Variants in FHIT observed in about 807,000 individuals in gnomAD.
FHIT encodes fragile histidine triad diadenosine triphosphatase, also known as bis(5'-adenosyl)-triphosphatase.
In FHIT, 19 loss-of-function variants were observed where a neutral mutation model predicts 17.9. That is an observed-to-expected ratio of 1.06 (90% CI 0.74 to 1.56). FHIT has a LOEUF of 1.56. Ranked by LOEUF, FHIT falls within the 40% of genes most tolerant of loss-of-function variation. The probability of loss-of-function intolerance (pLI) is 0.00; values close to 1 mark genes in which losing one functional copy is unlikely to be tolerated. For synonymous variants in FHIT, 81 were observed against 69.7 expected, an observed-to-expected ratio of 1.16 and a Z score of -0.81; for missense variants, 248 against 189.2, an observed-to-expected ratio of 1.31 and a Z score of -1.82.
intron 4 of FHIT, among the ~76,000 whole-genome samples, chr3:60,812,713 A>C (rs922515569): frequency 4.6e-5 from 7 of 152,112 alleles, no homozygotes; most frequent in African/African-American, 1.7e-4. Context: ...AGTCCACAAA[A>C]ATAGCACTGT....
chr3:60,842,335 T>C (rs1188645013), intron 3 of FHIT, among the ~76,000 whole-genome samples: 10 of 150,792 alleles, frequency 6.6e-5, no homozygotes, highest in African/African-American at 2.2e-4. Flanking sequence ...ACAGTATTGA[T>C]CTCCCACCAG....
chr3:61,038,009 C>T (rs2033338892), intron 3 of FHIT, among the ~76,000 whole-genome samples: 1 of 152,114 alleles, frequency 6.6e-6, no homozygotes, highest in Admixed American at 6.5e-5. Context: ...CAGAAAAAGT[C>T]TAGTTGACAA....
At chr3:61,042,986 G>A (rs1401162582) in intron 2 of FHIT, among the ~76,000 whole-genome samples, 4 of 152,102 alleles carry the variant, frequency 2.6e-5, no homozygotes, top group African/African-American at 7.2e-5. Context: ...ACAACAGGGA[G>A]AGGTTCCAAG....
chr3:60,935,813 A>G (rs1708168261), intron 3 of FHIT, among the ~76,000 whole-genome samples: 1 of 152,216 alleles, frequency 6.6e-6, no homozygotes, highest in Non-Finnish European at 1.5e-5. Flanking sequence ...AGCAAAACTG[A>G]GTCTTCTAAA....
At chr3:60,355,933 T>C (rs763441804) in intron 5 of FHIT, among the ~76,000 whole-genome samples, 7 of 152,160 alleles carry the variant, frequency 4.6e-5, no homozygotes, top group Non-Finnish European at 8.8e-5. Context: ...GTTTAATCAC[T>C]GGGTCATTAT....
chr3:60,658,659 T>A (rs116223880), intron 4 of FHIT, among the ~76,000 whole-genome samples: 1,712 of 152,268 alleles, frequency 0.011, 39 homozygotes, highest in African/African-American at 0.039. Context: ...TTAAAAGATG[T>A]ATTAGCTTCT....
chr3:60,259,938 G>T (rs1053093984), intron 5 of FHIT, among the ~76,000 whole-genome samples: 3 of 152,056 alleles, frequency 2.0e-5, no homozygotes, highest in African/African-American at 2.4e-5. Flanking sequence ...AAAGCAAGAG[G>T]CTGGGACCTA....
intron 5 of FHIT, among the ~76,000 whole-genome samples, chr3:60,061,789 T>C (rs985785822): frequency 1.3e-5 from 2 of 152,072 alleles, no homozygotes; most frequent in African/African-American, 2.4e-5. Flanking sequence ...ATAAGGTGAA[T>C]AGATCATATG....
At chr3:60,566,345 C>T (rs1414368897) in intron 4 of FHIT, among the ~76,000 whole-genome samples, 2 of 152,002 alleles carry the variant, frequency 1.3e-5, no homozygotes, top group Non-Finnish European at 2.9e-5. Context: ...TAAACAGAAC[C>T]AACGACAAAA....
At chr3:60,192,159 G>C (rs1702428214) in intron 5 of FHIT, among the ~76,000 whole-genome samples, 2 of 150,892 alleles carry the variant, frequency 1.3e-5, no homozygotes, top group South Asian at 4.2e-4. Flanking sequence ...GCGGAGGCAA[G>C]AGAATCGCTC....
intron 8 of FHIT, among the ~76,000 whole-genome samples, chr3:59,780,583 A>C (rs1404182661): frequency 6.6e-6 from 1 of 152,110 alleles, no homozygotes; most frequent in Non-Finnish European, 1.5e-5. Context: ...TCCAGTTAAG[A>C]TATTTGTTAG....
chr3:61,162,766 A>C (rs1287142534), intron 2 of FHIT, among the ~76,000 whole-genome samples: 2 of 152,132 alleles, frequency 1.3e-5, no homozygotes, highest in African/African-American at 4.8e-5. Flanking sequence ...TAGGCAAGCA[A>C]ATTGTGTTCT....
At chr3:60,417,102 A>G (rs1187407614) in intron 5 of FHIT, among the ~76,000 whole-genome samples, 1 of 152,064 alleles carries the variant, frequency 6.6e-6, no homozygotes, top group Non-Finnish European at 1.5e-5. Context: ...AAGAAAAAAA[A>G]AAAAAAAAAT....
intron 4 of FHIT, among the ~76,000 whole-genome samples, chr3:60,744,274 A>AAAC (rs1559688213): frequency 1.3e-4 from 19 of 148,320 alleles, no homozygotes; most frequent in African/African-American, 4.3e-4. Context: ...AAAACAAAAA[A>AAAC]AAAAAAAAAC....
intron 5 of FHIT, among the ~76,000 whole-genome samples, chr3:60,308,725 G>T (rs1189004605): frequency 6.6e-6 from 1 of 151,968 alleles, no homozygotes; most frequent in Non-Finnish European, 1.5e-5. Context: ...CATAGGACCT[G>T]GGTTACCGAT....
chr3:60,243,482 C>T (rs1366014314), intron 5 of FHIT, among the ~76,000 whole-genome samples: 3 of 152,058 alleles, frequency 2.0e-5, no homozygotes, highest in Non-Finnish European at 4.4e-5. Context: ...CCTGCATACA[C>T]TCTAGGGACT....
intron 4 of FHIT, among the ~76,000 whole-genome samples, chr3:60,733,542 A>G (rs1577134500): frequency 6.6e-6 from 1 of 152,124 alleles, no homozygotes; most frequent in African/African-American, 2.4e-5. Context: ...TCACCACTAC[A>G]CCCACCTCAA....
At chr3:60,922,570 ATTTC>A (rs1474600997) in intron 3 of FHIT, among the ~76,000 whole-genome samples, 1 of 152,144 alleles carries the variant, frequency 6.6e-6, no homozygotes, top group Non-Finnish European at 1.5e-5. Context: ...GAAGTTAGTG[ATTTC>A]TTTATTTTTT....
At chr3:59,939,184 A>C (rs902680551) in intron 7 of FHIT, among the ~76,000 whole-genome samples, 2 of 152,210 alleles carry the variant, frequency 1.3e-5, no homozygotes, top group Admixed American at 1.3e-4. Context: ...TACATGAAAA[A>C]TTGATCATGT....
Sources: allele counts gnomAD v4.1 joint callset (sites outside exome capture counted in the v4.1 genomes callset), GRCh38; gene constraint gnomAD v4.1.1; transcripts MANE v1.5; gene names NCBI Gene and HGNC (gene_info 2026-07-23, HGNC 2026-07-21).